GCNT1: variants seen among roughly 807,000 people sequenced by gnomAD.
GCNT1 encodes the protein beta-1,3-galactosyl-O-glycosyl-glycoprotein beta-1,6-N-acetylglucosaminyltransferase.
In GCNT1, 16 loss-of-function variants were observed where a neutral mutation model predicts 26.2. That is an observed-to-expected ratio of 0.61 (90% CI 0.41 to 0.93). The LOEUF (loss-of-function observed/expected upper bound fraction) is 0.93. Ranked by LOEUF, GCNT1 falls within the 40% of genes least tolerant of loss-of-function variation. The pLI, the probability that GCNT1 is intolerant of heterozygous loss-of-function variation, is 0.00. For missense variants in GCNT1, 477 were observed against 526.7 expected (o/e 0.91, Z 0.92); for synonymous variants, 183 against 190.8 (o/e 0.96, Z 0.34).
At chr9:76,406,279 G>A in the GCNT1 span, among the ~76,000 whole-genome samples, 22 of 152,210 alleles carry the variant, frequency 1.4e-4, no homozygotes, top group African/African-American at 5.3e-4. Flanking sequence ...AGGATTGCTC[G>A]AGCCCAGGAG....
At position 76,503,736 on chromosome 9, in the gene GCNT1, C is replaced by G; in HGVS notation, c.*68C>G. ...ACGTACCCTTATCTGTTTCCCCTTC[C>G]TTGTCAGCATCGGGAAGATGGTATG... On this transcript the variant is annotated 3_prime_UTR_variant, in exon 4 of 4. Transcript: ENST00000376730. 1 of 1,302,202 alleles carries G rather than the reference C, an allele frequency of 7.7e-7. No individual in the cohort carries two copies. The highest frequency in any genetic ancestry group is 1.1e-6 in the Non-Finnish European group (1 of 905,942). The allele number at this position is 1,302,202 out of a possible 1,614,324, so 80.7% of individuals were successfully genotyped here.
At position 76,503,585 on chromosome 9, in the gene GCNT1, T is replaced by C; in HGVS notation, c.1204T>C (p.Phe402Leu). Reference protein sequence around the residue: ...LRKHHLFANKFDVDVDLFAIQ... With the variant: ...LRKHHLFANKLDVDVDLFAIQ... The stretch of plus-strand genomic sequence containing the variant: ...CAAACACCACTTGTTTGCCAATAAG[T>C]TTGACGTGGATGTTGACCTCTTTGC... Residue 402 changes from phenylalanine (F) to leucine (L), a missense_variant, in exon 4 of 4, where the codon TTT becomes CTT. Coordinates refer to ENST00000376730, the MANE Select transcript of GCNT1 (RefSeq NM_001490.5). 1 of 1,614,152 alleles carries C rather than the reference T, an allele frequency of 6.2e-7. No individual in the cohort carries two copies. The highest frequency in any genetic ancestry group is 8.5e-7 in the Non-Finnish European group (1 of 1,180,000).
Position 76,502,856 on chromosome 9 carries a change from G to A in GCNT1, c.475G>A (p.Glu159Lys), listed in dbSNP as rs775826802. ...FYCIHVDTKSEDSYLAAVMGI... is the reference protein window; with the variant it reads ...FYCIHVDTKSKDSYLAAVMGI... ...TTGCATTCATGTGGACACAAAATCC[G>A]AGGATTCCTATTTAGCTGCAGTGAT... The change falls in exon 4 of 4, where the codon GAG (glutamate) becomes AAG (lysine). Residue 159 changes from glutamate to lysine, a missense_variant. Transcript: ENST00000376730. 9.3e-6 allele frequency: 15 copies of A among 1,613,968 alleles called. No homozygotes were observed. Among genetic ancestry groups the A allele is most frequent in the Admixed American group, 1.7e-5 (1 of 59,984 alleles).
At chr9:76,489,070 A>G (rs1824658554) in intron 2 of GCNT1, among the ~76,000 whole-genome samples, 1 of 152,136 alleles carries the variant, frequency 6.6e-6, no homozygotes, top group Admixed American at 6.5e-5. Context: ...GATTACTTGA[A>G]AACAGGGTTC....
At chr9:76,398,610 T>C in the GCNT1 span, 1 of 748,990 alleles carries the variant, frequency 1.3e-6, no homozygotes, top group Non-Finnish European at 2.3e-6. Flanking sequence ...CACAAAAACC[T>C]ATTTGTTTTT....
At chr9:76,440,704 T>C (rs1006722438), upstream of GCNT1, among the ~76,000 whole-genome samples, 3 of 152,168 alleles carry the variant, frequency 2.0e-5, no homozygotes, top group Non-Finnish European at 2.9e-5. Context: ...TGTTTAGAGC[T>C]ACCTAAGAGG....
At chr9:76,419,020 G>A (rs536748821), upstream of GCNT1, among the ~76,000 whole-genome samples, 31 of 152,268 alleles carry the variant, frequency 2.0e-4, no homozygotes, top group East Asian at 5.2e-3. Context: ...GGCTGGAGGG[G>A]GGTGTCAGAG....
chr9:76,502,546 T>A lies in GCNT1; in HGVS notation c.165T>A (p.Ser55Arg). The A allele has an allele frequency of 6.2e-7, 1 of 1,614,026 alleles. No individual in the cohort carries two copies. Among genetic ancestry groups the A allele is most frequent in the Non-Finnish European group, 8.5e-7 (1 of 1,179,920 alleles). Residue 55 changes from serine to arginine, a missense_variant, in exon 4 of 4, where the codon AGT (serine) becomes AGA (arginine). Physicochemically the swap from Ser to Arg is moderately radical, Grantham distance 110. Coordinates refer to ENST00000376730, the MANE Select transcript of GCNT1 (RefSeq NM_001490.5). ...AGCTTGCTGGGGAGAATCCTAGTAG[T>A]GATATTAATTGCACCAAAGTTTTAC... Reference protein sequence around the residue: ...HLELAGENPSSDINCTKVLQG... With the variant: ...HLELAGENPSRDINCTKVLQG...
chr9:76,479,164 A>G (rs924346055), intron 2 of GCNT1, among the ~76,000 whole-genome samples: 3 of 152,168 alleles, frequency 2.0e-5, no homozygotes, highest in African/African-American at 4.8e-5. Flanking sequence ...AGCTTCATCC[A>G]TGTCCCTACA....
At chr9:76,472,749 C>CTT (rs869071794) in intron 2 of GCNT1, among the ~76,000 whole-genome samples, 35 of 31,404 alleles carry the variant, frequency 1.1e-3, no homozygotes, top group Admixed American at 3.2e-3. Flanking sequence ...CTTTTCTTTT[C>CTT]TTTTTTTTTT....
intron 2 of GCNT1, among the ~76,000 whole-genome samples, chr9:76,481,802 T>C (rs1313938487): frequency 6.6e-6 from 1 of 152,174 alleles, no homozygotes; most frequent in Non-Finnish European, 1.5e-5. Flanking sequence ...GGGCCAGAGA[T>C]GAAGTGCCAT....
At chr9:76,468,752 G>T (rs186024657) in intron 2 of GCNT1, among the ~76,000 whole-genome samples, 2 of 152,250 alleles carry the variant, frequency 1.3e-5, no homozygotes, top group East Asian at 3.9e-4. Context: ...AGATATTTTG[G>T]GGAGAAGGGA....
chr9:76,463,485 C>T (rs766126407), intron 2 of GCNT1, among the ~76,000 whole-genome samples: 5 of 152,148 alleles, frequency 3.3e-5, no homozygotes, highest in Admixed American at 6.6e-5. Context: ...CTTGATTGTT[C>T]TTCTGTTTCC....
intron 1 of GCNT1, among the ~76,000 whole-genome samples, chr9:76,450,272 A>G (rs1823643675): frequency 6.6e-6 from 1 of 152,230 alleles, no homozygotes; most frequent in East Asian, 1.9e-4. Flanking sequence ...TATAACGTAC[A>G]TCTGATTCCC....
At chr9:76,467,703 T>C (rs1463414916) in intron 2 of GCNT1, among the ~76,000 whole-genome samples, 2 of 152,056 alleles carry the variant, frequency 1.3e-5, no homozygotes, top group Non-Finnish European at 2.9e-5. Context: ...TTTACTGCAT[T>C]TGTCAGTTGT....
intron 2 of GCNT1, among the ~76,000 whole-genome samples, chr9:76,481,302 C>G (rs1384131777): frequency 6.6e-6 from 1 of 151,846 alleles, no homozygotes. Context: ...TGTACCCCTT[C>G]TGCTTGATCA....
chr9:76,421,159 G>A (rs903843864), intron 1 of GCNT1, among the ~76,000 whole-genome samples: 15 of 152,100 alleles, frequency 9.9e-5, no homozygotes, highest in African/African-American at 3.6e-4. Context: ...ACTTGTGTGC[G>A]AATTGTTAAT....
the GCNT1 span, among the ~76,000 whole-genome samples, chr9:76,410,805 C>T: frequency 6.6e-6 from 1 of 152,180 alleles, no homozygotes; most frequent in Non-Finnish European, 1.5e-5. Context: ...CCAAGTATAA[C>T]AGTGGATTCA....
In GCNT1 at chr9:76,502,806, C is replaced by T. The variant is rs758387360; in HGVS notation, c.425C>T (p.Ala142Val). The stretch of plus-strand genomic sequence containing the variant: ...GAAATGCTTGACAGGCTGCTGAGGG[C>T]CATCTATATGCCTCAGAATTTCTAT... ...KIEMLDRLLRAIYMPQNFYCI... is the reference protein window; with the variant it reads ...KIEMLDRLLRVIYMPQNFYCI... Residue 142 changes from alanine to valine, a missense_variant, in exon 4 of 4, where the codon GCC becomes GTC. Physicochemically the swap from Ala to Val is moderately conservative, Grantham distance 64. Transcript: ENST00000376730. The T allele has an allele frequency of 1.9e-6, 3 of 1,614,012 alleles. No individual in the cohort carries two copies. The highest frequency in any genetic ancestry group is 1.1e-5 in the South Asian group (1 of 91,080).
Sources: gnomAD v4.1 joint callset for allele counts (sites outside exome capture counted in the v4.1 genomes callset) on GRCh38, gnomAD v4.1.1 for gene constraint, MANE v1.5 for transcripts, NCBI Gene and HGNC (gene_info 2026-07-23, HGNC 2026-07-21) for gene names.